NFATC2: variants seen among roughly 807,000 people sequenced by gnomAD.
NFATC2 encodes the protein nuclear factor of activated T cells 2.
In NFATC2, 22 loss-of-function variants were observed where a neutral mutation model predicts 87.3. The ratio of observed to expected loss-of-function variants is 0.25; its 90% CI spans 0.18 to 0.36. NFATC2 has a LOEUF of 0.36. Among genes scored for constraint, NFATC2 ranks in the 10% least tolerant of loss-of-function variants. The pLI is 1.00. For synonymous variants in NFATC2, 565 were observed against 542.2 expected (o/e 1.04, Z -0.58); for missense variants, 1,149 against 1,259.1 (o/e 0.91, Z 1.32).
At position 51,542,377 on chromosome 20, in the gene NFATC2, C is replaced by T. The variant is rs748721638; in HGVS notation, c.123G>A (p.Pro41=). Residue 41 remains proline (P), a synonymous_variant, in exon 1 of 11, where the codon CCG becomes CCA. Coordinates refer to ENST00000371564, the MANE Select transcript of NFATC2 (RefSeq NM_012340.5). The part of the protein sequence containing the change: ...SILFDYEYLN[P]NEEEPNAHKV... ...GGGGTAGCCTCCACCGACCTTCGTTCGGATTCAAATACTCATAGTCGAAGA... is the reference window on the plus strand; with the variant it reads ...GGGGTAGCCTCCACCGACCTTCGTTTGGATTCAAATACTCATAGTCGAAGA... 1 of 1,607,222 alleles carries T rather than the reference C, an allele frequency of 6.2e-7. No homozygotes were observed. The highest frequency in any genetic ancestry group is 1.7e-5 in the Admixed American group (1 of 59,718).
chr20:51,410,159 G>C (rs1474480756), intron 9 of NFATC2, among the ~76,000 whole-genome samples: 1 of 135,448 alleles, frequency 7.4e-6, no homozygotes, highest in East Asian at 2.3e-4. Flanking sequence ...GCAGTGAGCC[G>C]AGATCATGCC....
intron 9 of NFATC2, among the ~76,000 whole-genome samples, chr20:51,411,569 C>A (rs1352109778): frequency 7.0e-6 from 1 of 142,158 alleles, no homozygotes; most frequent in Non-Finnish European, 1.5e-5. Context: ...GCTCTTTCTC[C>A]CAGGCTCGTG....
At chr20:51,405,847 G>A (rs186014389) in intron 9 of NFATC2, among the ~76,000 whole-genome samples, 3 of 152,278 alleles carry the variant, frequency 2.0e-5, no homozygotes, top group Admixed American at 6.5e-5. Flanking sequence ...CTGTCTCCCA[G>A]AGCACAGCAA....
At chr20:51,406,806 G>A (rs562217724) in intron 9 of NFATC2, among the ~76,000 whole-genome samples, 1 of 152,292 alleles carries the variant, frequency 6.6e-6, no homozygotes, top group African/African-American at 2.4e-5. Context: ...TGTCTGAAAG[G>A]GAAATTCAGG....
chr20:51,471,560 C>T (rs1025263066), intron 5 of NFATC2, among the ~76,000 whole-genome samples: 7 of 152,200 alleles, frequency 4.6e-5, no homozygotes, highest in East Asian at 1.9e-4. Flanking sequence ...GACTGATCCA[C>T]GTCTTGACTC....
rs376673351 is a variant in NFATC2 at position 51,432,252 on chromosome 20, G to A, written c.2537C>T (p.Pro846Leu). The A allele has an allele frequency of 2.7e-5, 44 of 1,614,080 alleles. No individual in the cohort carries two copies. The highest frequency in any genetic ancestry group is 4.0e-5 in the African/African-American group (3 of 74,932). ...CCTCTGACCTTGACTGACCGGGGGC[G>A]GGCCAGGTCTGGTGGTGCCTGGTGC... is the stretch of plus-strand genomic sequence containing the variant. ...NFAPGTTRPG[P>L]PPVSQGQRLS... Residue 846 changes from proline to leucine, a missense_variant, in exon 9 of 11, where the codon CCG becomes CTG. Pro to Leu is a moderately conservative substitution (Grantham distance 98). This residue lies in a region of NFATC2 where 581 missense variants were observed against 649.7 expected (regional missense o/e 0.89). Coordinates refer to ENST00000371564, the MANE Select transcript of NFATC2 (RefSeq NM_012340.5). The surrounding 1 kb of genome is among the most constrained non-coding windows in gnomAD (Gnocchi z 4.6).
intron 1 of NFATC2, among the ~76,000 whole-genome samples, chr20:51,540,663 T>TTTTTTTTTTTTTTG (rs1555818354): frequency 6.6e-4 from 89 of 135,710 alleles, no homozygotes; most frequent in East Asian, 1.1e-3. Context: ...TTTTTGTTTT[T>TTTTTTTTTTTTTTG]TTTTTTTTGA....
chr20:51,561,484 A>AAAGAAAGAAAGCAAGCAAGCAAGCAAGC (rs2077029945), intron 1 of NFATC2, among the ~76,000 whole-genome samples: 1 of 89,980 alleles, frequency 1.1e-5, no homozygotes, highest in Non-Finnish European at 2.2e-5. Flanking sequence ...AGAAAGAAAG[A>AAAGAAAGAAAGCAAGCAAGCAAGCAAGC]AAGCAAGCAA....
chr20:51,435,951 C>A (rs374103285), intron 6 of NFATC2, among the ~76,000 whole-genome samples, 190 bp from the exon 7 acceptor site: 29 of 152,218 alleles, frequency 1.9e-4, no homozygotes, highest in African/African-American at 6.7e-4. Flanking sequence ...CAAAAGGAGA[C>A]ATGGTGTCAA....
intron 9 of NFATC2, among the ~76,000 whole-genome samples, chr20:51,405,910 G>C (rs1988520840): frequency 6.6e-6 from 1 of 152,152 alleles, no homozygotes; most frequent in Non-Finnish European, 1.5e-5. Flanking sequence ...CTGAGTAGTT[G>C]GGATTACAGG....
chr20:51,460,673 A>G (rs751126357), intron 5 of NFATC2, among the ~76,000 whole-genome samples: 8 of 148,736 alleles, frequency 5.4e-5, no homozygotes, highest in Non-Finnish European at 1.0e-4. Context: ...GGATGTTGCC[A>G]TGTTGCCTAG....
At chr20:51,471,035 TC>T in intron 5 of NFATC2, among the ~76,000 whole-genome samples, 1 of 152,318 alleles carries the variant, frequency 6.6e-6, no homozygotes, top group South Asian at 2.1e-4. Flanking sequence ...TCAGTTTCCT[TC>T]TCTGTCAAAA....
chr20:51,427,630 G>A (rs906361866), intron 9 of NFATC2, among the ~76,000 whole-genome samples: 2 of 152,166 alleles, frequency 1.3e-5, no homozygotes, highest in African/African-American at 4.8e-5. Context: ...ACGCTGCACT[G>A]CTGCTGAAAG....
At chr20:51,433,759 A>ATGTGTG (rs59775939) in intron 8 of NFATC2, among the ~76,000 whole-genome samples, 196 of 146,074 alleles carry the variant, frequency 1.3e-3, no homozygotes, top group Non-Finnish European at 1.8e-3. Flanking sequence ...TCATGCATGC[A>ATGTGTG]TGTGTGTGTG....
intron 3 of NFATC2, among the ~76,000 whole-genome samples, chr20:51,501,765 G>C (rs934123536): frequency 3.3e-5 from 5 of 152,120 alleles, no homozygotes; most frequent in South Asian, 2.1e-4. Flanking sequence ...ACCTCCACGA[G>C]AGCTCGGGAT....
intron 5 of NFATC2, among the ~76,000 whole-genome samples, chr20:51,463,417 C>T (rs1204334764): frequency 6.6e-6 from 1 of 152,196 alleles, no homozygotes; most frequent in Non-Finnish European, 1.5e-5. Flanking sequence ...TGGAGAAATG[C>T]AGCAGCACGG....
chr20:51,467,660 C>T (rs1421320533), intron 5 of NFATC2, among the ~76,000 whole-genome samples: 4 of 152,200 alleles, frequency 2.6e-5, no homozygotes. Flanking sequence ...TCCCATTTTA[C>T]TCTCATTAGA....
intron 9 of NFATC2, among the ~76,000 whole-genome samples, chr20:51,419,990 A>G (rs1356874123): frequency 2.7e-5 from 4 of 147,050 alleles, no homozygotes; most frequent in Non-Finnish European, 6.0e-5. Flanking sequence ...ATTATGCTTA[A>G]ATTCATGAGT....
intron 1 of NFATC2, among the ~76,000 whole-genome samples, chr20:51,535,557 G>A (rs949341988): frequency 2.6e-5 from 4 of 152,154 alleles, no homozygotes; most frequent in African/African-American, 9.7e-5. Context: ...CTGGGGGTGG[G>A]CACACTTCAT....
Sources: gnomAD v4.1 joint callset for allele counts (sites outside exome capture counted in the v4.1 genomes callset) on GRCh38, gnomAD v4.1.1 for gene constraint, gnomAD v4.1.1 regional missense constraint, Gnocchi (gnomAD v3.1) non-coding constraint, MANE v1.5 for transcripts, NCBI Gene and HGNC (gene_info 2026-07-23, HGNC 2026-07-21) for gene names.